Variants in PIEZO2 observed in about 807,000 individuals in gnomAD.
The protein encoded by PIEZO2 is piezo-type mechanosensitive ion channel component 2.
Under a neutral mutation model 337.3 loss-of-function variants are expected in PIEZO2, and 172 were observed. The ratio of observed to expected loss-of-function variants is 0.51; its 90% CI spans 0.45 to 0.58. PIEZO2 has a LOEUF of 0.58. Ranked by LOEUF, PIEZO2 falls within the 20% of genes least tolerant of loss-of-function variation. PIEZO2 has a pLI of 0.00. For synonymous variants in PIEZO2, 1,251 were observed against 1,228.5 expected, an observed-to-expected ratio of 1.02 and a Z score of -0.38; for missense variants, 3,028 against 3,391.3, an observed-to-expected ratio of 0.89 and a Z score of 2.66.
rs1349904129 is a variant in PIEZO2 at position 10,775,315 on chromosome 18, G to C, written c.2535-1277C>G. Among the ~76,000 whole-genome samples, 1 of 152,152 alleles carries C rather than the reference G, an allele frequency of 6.6e-6. No individual in the cohort carries two copies. Among genetic ancestry groups the C allele is most frequent in the African/African-American group, 2.4e-5 (1 of 41,434 alleles). On this transcript the variant is annotated intron_variant, in intron 18 of 55. Coordinates refer to ENST00000674853, the MANE Select transcript of PIEZO2 (RefSeq NM_001378183.1). This position sits in a 1 kb window ranked among gnomAD's most constrained non-coding sequence, Gnocchi z 4.3. Reference sequence around the variant, plus strand: ...CCAAATCTCAGGGAACACATTTGCTGTTCCTGCTTTGTCAGGACTCTCCAT... The same window carrying C: ...CCAAATCTCAGGGAACACATTTGCTCTTCCTGCTTTGTCAGGACTCTCCAT...
At chr18:10,805,239 C>T (rs888883209) in intron 8 of PIEZO2, among the ~76,000 whole-genome samples, 1 of 152,232 alleles carries the variant, frequency 6.6e-6, no homozygotes, top group Non-Finnish European at 1.5e-5. Flanking sequence ...TAGTTCCCAT[C>T]GTGGTGGCTC....
intron 3 of PIEZO2, among the ~76,000 whole-genome samples, chr18:10,935,593 G>GA (rs1465960310): frequency 2.0e-5 from 3 of 152,178 alleles, no homozygotes; most frequent in African/African-American, 7.2e-5. Context: ...AAGATTTTAT[G>GA]AAAAAGATAT....
chr18:10,692,738 G>A (rs1388749519), intron 47 of PIEZO2, among the ~76,000 whole-genome samples: 1 of 152,188 alleles, frequency 6.6e-6, no homozygotes, highest in Non-Finnish European at 1.5e-5. Flanking sequence ...TCTGAATCTT[G>A]AGGCTACACC....
chr18:11,120,866 A>G (rs1171750386), intron 1 of PIEZO2, among the ~76,000 whole-genome samples: 1 of 152,208 alleles, frequency 6.6e-6, no homozygotes, highest in African/African-American at 2.4e-5. Flanking sequence ...CCTGGTCCTA[A>G]ATTTACTTGC....
At position 10,856,031 on chromosome 18, in the gene PIEZO2, C is replaced by T. The variant is rs2041695219; in HGVS notation, c.704-465G>A. On this transcript the variant is annotated intron_variant, in intron 6 of 55. Coordinates refer to ENST00000674853, the MANE Select transcript of PIEZO2 (RefSeq NM_001378183.1). The surrounding 1 kb of genome is among the most constrained non-coding windows in gnomAD (Gnocchi z 4.7). ...CCTGGCCAATTAAACTCTCACTGTG[C>T]CATGCTTATTTTATTTTATTTTGTT... Among the ~76,000 whole-genome samples the T allele has an allele frequency of 6.6e-6, 1 of 151,812 alleles. No homozygotes were observed. Among genetic ancestry groups the T allele is most frequent in the Non-Finnish European group, 1.5e-5 (1 of 68,000 alleles).
Position 10,942,238 on chromosome 18 carries a change from G to A in PIEZO2, c.287-31010C>T, listed in dbSNP as rs1352714193. On this transcript the variant is annotated intron_variant, in intron 3 of 55. Transcript: ENST00000674853. The surrounding 1 kb of genome is among the most constrained non-coding windows in gnomAD (Gnocchi z 4.4). The stretch of plus-strand genomic sequence containing the variant: ...TGAAAAGATATCCCAAAATGTGAAA[G>A]CGATTTTGGAACTGGGTAACATGCA... 1.3e-5 allele frequency among the ~76,000 whole-genome samples: 2 copies of A among 152,204 alleles called. No individual in the cohort carries two copies. Among genetic ancestry groups the A allele is most frequent in the African/African-American group, 4.8e-5 (2 of 41,446 alleles).
In PIEZO2 at chr18:10,750,266, C is replaced by CAAG. The variant is rs2037597055; in HGVS notation, c.4168-82_4168-80dup. 1.1e-5 allele frequency: 11 copies of CAAG among 956,914 alleles called. No individual in the cohort carries two copies. The highest frequency in any genetic ancestry group is 2.0e-5 in the Admixed American group (1 of 49,426). 59.3% of individuals were successfully genotyped at this position (956,914 alleles called of 1,614,324 possible). A position where few individuals can be genotyped will look rare whatever the true frequency, so the allele number is the denominator to read the frequency against. On this transcript the variant is annotated intron_variant, in intron 28 of 55. Coordinates refer to ENST00000674853, the MANE Select transcript of PIEZO2 (RefSeq NM_001378183.1). This position sits in a 1 kb window ranked among gnomAD's most constrained non-coding sequence, Gnocchi z 4.1. ...TGGTGTTTTATGATCCCAACATGTG[C>CAAG]AAGAATTCACAAGGTCTCAGTGATA...
rs866960992 is a variant in PIEZO2 at position 11,047,416 on chromosome 18, C to T, written c.160+18711G>A. 9.2e-5 allele frequency among the ~76,000 whole-genome samples: 14 copies of T among 152,258 alleles called. No homozygotes were observed. Among genetic ancestry groups the T allele is most frequent in the Admixed American group, 4.6e-4 (7 of 15,302 alleles). The stretch of plus-strand genomic sequence containing the variant: ...AAAGGCTCCTGCCTATCCCACAAGA[C>T]GGCCCGGGGGAATTGTCCAAGAACA... On this transcript the variant is annotated intron_variant, in intron 2 of 55. Transcript: ENST00000674853. The surrounding 1 kb of genome is among the most constrained non-coding windows in gnomAD (Gnocchi z 7.2).
chr18:10,784,271 G>T lies in PIEZO2; in HGVS notation c.2492+513C>A, dbSNP rs2039134873. On this transcript the variant is annotated intron_variant, in intron 17 of 55. Transcript: ENST00000674853. The surrounding 1 kb of genome is among the most constrained non-coding windows in gnomAD (Gnocchi z 4.5). The stretch of plus-strand genomic sequence containing the variant: ...CCGTAAGCTGCTAAAAGAAGATATT[G>T]TCATCATGTTGTCCTCTTAAATATG... 6.6e-6 allele frequency among the ~76,000 whole-genome samples: 1 copy of T among 152,178 alleles called. No homozygotes were observed. The highest frequency in any genetic ancestry group is 1.5e-5 in the Non-Finnish European group (1 of 68,028).
Position 11,148,609 on chromosome 18 carries a change from G to C in PIEZO2, c.-21C>G, listed in dbSNP as rs547133297. The C allele has an allele frequency of 1.3e-6, 2 of 1,536,782 alleles. No individual in the cohort carries two copies. Among genetic ancestry groups the C allele is most frequent in the East Asian group, 4.9e-5 (2 of 40,856 alleles). On this transcript the variant is annotated 5_prime_UTR_variant, in exon 1 of 56. Coordinates refer to ENST00000674853, the MANE Select transcript of PIEZO2 (RefSeq NM_001378183.1). This position sits in a 1 kb window ranked among gnomAD's most constrained non-coding sequence, Gnocchi z 5.2. Reference sequence around the variant, plus strand: ...GCCATCGCGTCGGTCCGGCGAGTCGGAGCAGAGGGGCGAGGCTCGAGGGTC... The same window carrying C: ...GCCATCGCGTCGGTCCGGCGAGTCGCAGCAGAGGGGCGAGGCTCGAGGGTC...
chr18:10,753,481 G>A (rs1312682225), intron 27 of PIEZO2, among the ~76,000 whole-genome samples: 7 of 152,186 alleles, frequency 4.6e-5, no homozygotes, highest in Non-Finnish European at 1.0e-4. Context: ...TGAGGCCAGC[G>A]TTCCGGTGTC....
chr18:10,872,582 C>G lies in PIEZO2; in HGVS notation c.330-1167G>C, dbSNP rs550530332. On this transcript the variant is annotated intron_variant, in intron 4 of 55. Coordinates refer to ENST00000674853, the MANE Select transcript of PIEZO2 (RefSeq NM_001378183.1). The surrounding 1 kb of genome is among the most constrained non-coding windows in gnomAD (Gnocchi z 4.3). ...TTCTCACACCATTCAGCACACGACA[C>G]GGGCCAGCCATGTCCCTCATCCGGT... Among the ~76,000 whole-genome samples, 269 of 146,792 alleles carry G rather than the reference C, an allele frequency of 1.8e-3. No individual in the cohort carries two copies. The highest frequency in any genetic ancestry group is 7.1e-3 in the African/African-American group (259 of 36,308).
intron 44 of PIEZO2, among the ~76,000 whole-genome samples, chr18:10,698,230 T>C (rs1335966997): frequency 6.6e-6 from 1 of 152,214 alleles, no homozygotes; most frequent in Admixed American, 6.5e-5. Flanking sequence ...AATTGTAAAA[T>C]GAATATGACA....
chr18:10,932,513 G>C (rs962735389), intron 3 of PIEZO2, among the ~76,000 whole-genome samples: 5 of 152,144 alleles, frequency 3.3e-5, no homozygotes, highest in African/African-American at 1.2e-4. Context: ...CTGTGTTTCC[G>C]GGGATGAGCA....
At position 10,949,454 on chromosome 18, in the gene PIEZO2, T is replaced by C. The variant is rs74809582; in HGVS notation, c.286+30081A>G. Among the ~76,000 whole-genome samples, 1,435 of 152,118 alleles carry C rather than the reference T, an allele frequency of 9.4e-3. 18 individuals carry two copies. Among genetic ancestry groups the C allele is most frequent in the African/African-American group, 0.032 (1,328 of 41,456 alleles). On this transcript the variant is annotated intron_variant, in intron 3 of 55. Transcript: ENST00000674853. ...GGCATCCTCCAAGGGCTTTGTTCTC[T>C]AGCCCAGGGGTGACAGGAGAGCTCC...
In PIEZO2 at chr18:10,894,105, AG is replaced by A. The variant is rs1419558891; in HGVS notation, c.329+17080del. ...AAGACACCCGAAACTGGTGATCAGC[AG>A]CTTCCTGATAAAATCCCAGGAGGTG... On this transcript the variant is annotated intron_variant, in intron 4 of 55. Coordinates refer to ENST00000674853, the MANE Select transcript of PIEZO2 (RefSeq NM_001378183.1). The surrounding 1 kb of genome is among the most constrained non-coding windows in gnomAD (Gnocchi z 4.1). 4.6e-5 allele frequency among the ~76,000 whole-genome samples: 7 copies of A among 152,218 alleles called. No individual in the cohort carries two copies.
intron 15 of PIEZO2, among the ~76,000 whole-genome samples, 172 bp downstream of exon 15, chr18:10,788,907 A>C (rs2039319009): frequency 6.6e-6 from 1 of 152,228 alleles, no homozygotes; most frequent in South Asian, 2.1e-4. Flanking sequence ...AATAGTAAAC[A>C]AGTTGAAGAC....
intron 35 of PIEZO2, among the ~76,000 whole-genome samples, chr18:10,732,980 A>G (rs1464789640): frequency 6.7e-6 from 1 of 148,282 alleles, no homozygotes; most frequent in Non-Finnish European, 1.5e-5. Context: ...AATCCCGAAA[A>G]TAGAAAACAA....
chr18:10,940,234 G>A lies in PIEZO2; in HGVS notation c.287-29006C>T, dbSNP rs189786395. ...TGGTGATTGCTGATATTCAAGATGC[G>A]TGAATTAGTGAGTACCTCATAAAGC... On this transcript the variant is annotated intron_variant, in intron 3 of 55. Coordinates refer to ENST00000674853, the MANE Select transcript of PIEZO2 (RefSeq NM_001378183.1). The surrounding 1 kb of genome is among the most constrained non-coding windows in gnomAD (Gnocchi z 5.3). Among the ~76,000 whole-genome samples, 9 of 152,322 alleles carry A rather than the reference G, an allele frequency of 5.9e-5. No individual in the cohort carries two copies. The highest frequency in any genetic ancestry group is 2.1e-4 in the South Asian group (1 of 4,818).
Sources: allele counts gnomAD v4.1 joint callset (sites outside exome capture counted in the v4.1 genomes callset), GRCh38; gene constraint gnomAD v4.1.1; non-coding constraint Gnocchi (gnomAD v3.1); transcripts MANE v1.5; gene names NCBI Gene and HGNC (gene_info 2026-07-23, HGNC 2026-07-21).